GPRIN3: variants seen among roughly 807,000 people sequenced by gnomAD.
The protein encoded by GPRIN3 is G protein-regulated inducer of neurite outgrowth 3.
In GPRIN3, 12 loss-of-function variants were observed where a neutral mutation model predicts 13.7. The ratio of observed to expected loss-of-function variants is 0.87; its 90% confidence interval spans 0.56 to 1.42. The LOEUF is 1.42. Among genes scored for constraint, GPRIN3 ranks in the 40% most tolerant of loss-of-function variants. GPRIN3 has a pLI of 0.00. For missense variants in GPRIN3, 1,009 were observed against 958.7 expected (o/e 1.05, Z -0.69); for synonymous variants, 377 against 372.7 (o/e 1.01, Z -0.13).
chr4:89,236,925 A>T lies in GPRIN3; in HGVS notation c.*10855T>A, dbSNP rs1424620487. ...ATTTTTTGTTTTGGCTTTGGGCTAA[A>T]AAAACATAGATAACAAGCAAATGCT... On this transcript the variant is annotated 3_prime_UTR_variant, in exon 2 of 2. Transcript: ENST00000609438. 1.3e-5 allele frequency: 2 copies of T among 152,212 alleles called. No homozygotes were observed. Among genetic ancestry groups the T allele is most frequent in the Non-Finnish European group, 2.9e-5 (2 of 68,052 alleles). The allele number at this position is 152,212 out of a possible 1,614,324, so 9.4% of individuals were successfully genotyped here. A position where few individuals can be genotyped will look rare whatever the true frequency, so the allele number is the denominator to read the frequency against.
At chr4:89,300,769 C>T (rs1221621857) in intron 1 of GPRIN3, among the ~76,000 whole-genome samples, 1 of 152,164 alleles carries the variant, frequency 6.6e-6, no homozygotes, top group Non-Finnish European at 1.5e-5. Flanking sequence ...GTTTTCAGAA[C>T]ATGTTCGACA....
chr4:89,249,528 T>C lies in GPRIN3; in HGVS notation c.583A>G (p.Ile195Val), dbSNP rs775459016. Reference protein sequence around the residue: ...VSCEFPSPETIQGTVQTPVTA... With the variant: ...VSCEFPSPETVQGTVQTPVTA... ...ACTGGAGTCTGCACTGTTCCCTGGA[T>C]TGTTTCTGGAGAAGGAAACTCACAG... Residue 195 changes from isoleucine to valine, a missense_variant, in exon 2 of 2, where the codon ATC (isoleucine) becomes GTC (valine). Transcript: ENST00000609438. The C allele has an allele frequency of 4.3e-6, 7 of 1,614,168 alleles. No homozygotes were observed. In the South Asian group the frequency reaches 6.6e-5, roughly 15 times the overall value.
intron 1 of GPRIN3, among the ~76,000 whole-genome samples, chr4:89,277,042 C>A (rs921155770): frequency 1.3e-5 from 2 of 151,762 alleles, no homozygotes; most frequent in African/African-American, 2.4e-5. Flanking sequence ...TATTCTGATA[C>A]ACGAGCTTCT....
intron 1 of GPRIN3, among the ~76,000 whole-genome samples, chr4:89,253,309 A>G (rs1723381884): frequency 6.6e-6 from 1 of 152,196 alleles, no homozygotes; most frequent in Non-Finnish European, 1.5e-5. Flanking sequence ...AATTTGATCC[A>G]TGGCATGAAA....
rs1723078519 is a variant in GPRIN3 at position 89,245,756 on chromosome 4, G to A, written c.*2024C>T. 1 of 152,234 alleles carries A rather than the reference G, an allele frequency of 6.6e-6. No homozygotes were observed. The highest frequency in any genetic ancestry group is 1.5e-5 in the Non-Finnish European group (1 of 68,046). The allele number at this position is 152,234 out of a possible 1,614,324, so 9.4% of individuals were successfully genotyped here. A position where few individuals can be genotyped will look rare whatever the true frequency, so the allele number is the denominator to read the frequency against. ...TGTCCTGGCAGAGGCATCTGAGACA[G>A]AAGTGACACGAACACAACTACAAAT... On this transcript the variant is annotated 3_prime_UTR_variant, in exon 2 of 2. Transcript: ENST00000609438.
Position 89,238,406 on chromosome 4 carries a change from C to T in GPRIN3, c.*9374G>A, listed in dbSNP as rs1377690061. 6.6e-6 allele frequency: 1 copy of T among 152,204 alleles called. No homozygotes were observed. The highest frequency in any genetic ancestry group is 2.4e-5 in the African/African-American group (1 of 41,434). 9.4% of individuals were successfully genotyped at this position (152,204 alleles called of 1,614,324 possible). A position where few individuals can be genotyped will look rare whatever the true frequency, so the allele number is the denominator to read the frequency against. On this transcript the variant is annotated 3_prime_UTR_variant, in exon 2 of 2. Coordinates refer to ENST00000609438, the MANE Select transcript of GPRIN3 (RefSeq NM_198281.3). Reference sequence around the variant, plus strand: ...TCCAGACTGCAGGATCCCAGTTTATCTTCTCAGGAGTAGGCAGAAAGGCTG... The same window carrying T: ...TCCAGACTGCAGGATCCCAGTTTATTTTCTCAGGAGTAGGCAGAAAGGCTG...
Position 89,243,341 on chromosome 4 carries a change from A to G in GPRIN3, c.*4439T>C, listed in dbSNP as rs1233544401. 6.6e-6 allele frequency: 1 copy of G among 152,162 alleles called. No homozygotes were observed. The highest frequency in any genetic ancestry group is 1.5e-5 in the Non-Finnish European group (1 of 68,014). The allele number at this position is 152,162 out of a possible 1,614,324, so 9.4% of individuals were successfully genotyped here. A position where few individuals can be genotyped will look rare whatever the true frequency, so the allele number is the denominator to read the frequency against. Reference sequence around the variant, plus strand: ...TTGTAATTGCTCAGCCAGTTGAAGAATTTCATTAAGAAGGATATCGTTACA... The same window carrying G: ...TTGTAATTGCTCAGCCAGTTGAAGAGTTTCATTAAGAAGGATATCGTTACA... On this transcript the variant is annotated 3_prime_UTR_variant, in exon 2 of 2. Transcript: ENST00000609438.
At position 89,266,485 on chromosome 4, in the gene GPRIN3, G is replaced by A. The variant is rs116269902; in HGVS notation, c.-123-16252C>T. 4.6e-3 allele frequency among the ~76,000 whole-genome samples: 703 copies of A among 152,274 alleles called. 7 individuals are homozygous for A. Among genetic ancestry groups the A allele is most frequent in the African/African-American group, 0.016 (681 of 41,546 alleles). On this transcript the variant is annotated intron_variant, in intron 1 of 1. Coordinates refer to ENST00000609438, the MANE Select transcript of GPRIN3 (RefSeq NM_198281.3). ...TGACTACAATTATATTATATAAAAA[G>A]GATGAAGCATGAGTTCAGAAAGTGT...
chr4:89,254,780 TA>T (rs1382279614), intron 1 of GPRIN3, among the ~76,000 whole-genome samples: 1 of 152,212 alleles, frequency 6.6e-6, no homozygotes, highest in African/African-American at 2.4e-5. Flanking sequence ...GTTCTGTTTT[TA>T]GGTCTTTGAG....
At chr4:89,272,278 C>A (rs768118059) in intron 1 of GPRIN3, among the ~76,000 whole-genome samples, 1 of 152,064 alleles carries the variant, frequency 6.6e-6, no homozygotes, top group African/African-American at 2.4e-5. Context: ...AAAAAGACTG[C>A]AGGAAAATTG....
At position 89,247,667 on chromosome 4, in the gene GPRIN3, G is replaced by T; in HGVS notation, c.*113C>A. 2 of 1,069,300 alleles carry T rather than the reference G, an allele frequency of 1.9e-6. No homozygotes were observed. Among genetic ancestry groups the T allele is most frequent in the Non-Finnish European group, 2.7e-6 (2 of 735,832 alleles). 66.2% of individuals were successfully genotyped at this position (1,069,300 alleles called of 1,614,324 possible). ...ATTTTTAATAGCAATTTCCTATAGT[G>T]AATACTTGCTTTTTCTTCCTAGTCT... On this transcript the variant is annotated 3_prime_UTR_variant, in exon 2 of 2. Coordinates refer to ENST00000609438, the MANE Select transcript of GPRIN3 (RefSeq NM_198281.3).
chr4:89,297,554 C>G (rs568536391), intron 1 of GPRIN3, among the ~76,000 whole-genome samples: 10 of 152,142 alleles, frequency 6.6e-5, no homozygotes, highest in Non-Finnish European at 1.5e-4. Context: ...CCAGTCTCTG[C>G]GCTCCAAGGC....
At chr4:89,289,486 A>G (rs1724513348) in intron 1 of GPRIN3, among the ~76,000 whole-genome samples, 1 of 152,164 alleles carries the variant, frequency 6.6e-6, no homozygotes, top group African/African-American at 2.4e-5. Flanking sequence ...TCTTTCCAAG[A>G]GCCGAGACTC....
intron 1 of GPRIN3, among the ~76,000 whole-genome samples, chr4:89,279,411 C>T (rs1344834755): frequency 3.9e-5 from 6 of 152,144 alleles, no homozygotes; most frequent in African/African-American, 1.4e-4. Flanking sequence ...GTGCTCAAGC[C>T]TCTATCATCA....
chr4:89,303,738 T>C (rs544729101), intron 1 of GPRIN3, among the ~76,000 whole-genome samples: 1 of 150,176 alleles, frequency 6.7e-6, no homozygotes, highest in East Asian at 1.9e-4. Context: ...ATTTTATGTA[T>C]ATACATGTAT....
At chr4:89,261,881 G>A (rs112502961) in intron 1 of GPRIN3, among the ~76,000 whole-genome samples, 3 of 152,046 alleles carry the variant, frequency 2.0e-5, no homozygotes, top group African/African-American at 4.8e-5. Flanking sequence ...GAGGCTGTAG[G>A]GGGGTGGATA....
At chr4:89,284,743 A>G (rs1724352985) in intron 1 of GPRIN3, among the ~76,000 whole-genome samples, 1 of 152,164 alleles carries the variant, frequency 6.6e-6, no homozygotes, top group Admixed American at 6.5e-5. Flanking sequence ...GATCTAGCCA[A>G]CCCAACTCCC....
chr4:89,253,429 A>C (rs932761929), intron 1 of GPRIN3, among the ~76,000 whole-genome samples: 2 of 152,234 alleles, frequency 1.3e-5, no homozygotes, highest in Non-Finnish European at 2.9e-5. Flanking sequence ...ACTAAAACCA[A>C]GAACGCTGAA....
intron 1 of GPRIN3, among the ~76,000 whole-genome samples, chr4:89,261,181 A>G (rs1723611712): frequency 6.6e-6 from 1 of 152,182 alleles, no homozygotes; most frequent in Admixed American, 6.5e-5. Context: ...AACTATCGAC[A>G]TTTTGGACCA....
Sources: gnomAD v4.1 joint callset for allele counts (sites outside exome capture counted in the v4.1 genomes callset) on GRCh38, gnomAD v4.1.1 for gene constraint, MANE v1.5 for transcripts, NCBI Gene and HGNC (gene_info 2026-07-23, HGNC 2026-07-21) for gene names.